Variants in BAIAP2L1 observed in about 807,000 individuals in gnomAD.
The protein encoded by BAIAP2L1 is BAR/IMD domain-containing adapter protein 2-like 1.
Under a neutral mutation model 66.3 loss-of-function variants are expected in BAIAP2L1, and 35 were observed. The ratio of observed to expected loss-of-function variants is 0.53; its 90% CI spans 0.40 to 0.70. The LOEUF is 0.70. BAIAP2L1 is among the 30% of genes least tolerant of loss of function. The pLI, the probability that BAIAP2L1 is intolerant of heterozygous loss-of-function variation, is 0.00. For missense variants in BAIAP2L1, 622 were observed against 656.9 expected (o/e 0.95, Z 0.58); for synonymous variants, 269 against 248.7 (o/e 1.08, Z -0.77).
chr7:98,320,450 C>G (rs1052385682), intron 3 of BAIAP2L1, 152 bp from the exon 4 acceptor site: 155 of 629,152 alleles, frequency 2.5e-4, no homozygotes, highest in Non-Finnish European at 3.8e-4. Context: ...ATTCTCCTGC[C>G]TCAGCCTCCC....
chr7:98,394,168 A>G (rs1803142457), intron 1 of BAIAP2L1, among the ~76,000 whole-genome samples: 2 of 152,158 alleles, frequency 1.3e-5, no homozygotes, highest in East Asian at 3.9e-4. Context: ...GCATGAACCC[A>G]GGAGGCGGAG....
chr7:98,330,969 A>G (rs1801482246), intron 3 of BAIAP2L1, among the ~76,000 whole-genome samples: 1 of 152,218 alleles, frequency 6.6e-6, no homozygotes, highest in Admixed American at 6.5e-5. Flanking sequence ...CCCCACCTCC[A>G]ATAGTGGGGG....
intron 12 of BAIAP2L1, among the ~76,000 whole-genome samples, chr7:98,299,967 G>C (rs1800354242): frequency 6.6e-6 from 1 of 152,194 alleles, no homozygotes; most frequent in Non-Finnish European, 1.5e-5. Flanking sequence ...CTTGAGCCCG[G>C]GAAGTGGAGG....
At chr7:98,353,047 T>C (rs1055898935) in intron 3 of BAIAP2L1, among the ~76,000 whole-genome samples, 1 of 152,134 alleles carries the variant, frequency 6.6e-6, no homozygotes, top group Non-Finnish European at 1.5e-5. Context: ...TGTCTGCTTC[T>C]GTCTACATCC....
rs554261451 is a variant in BAIAP2L1, at chr7:98,297,706, C to T, written c.1423-3595G>A. On this transcript the variant is annotated intron_variant, in intron 12 of 13. Coordinates refer to ENST00000005260, the MANE Select transcript of BAIAP2L1 (RefSeq NM_018842.5). ...CCAAACAGGGAAAAGCCAACTGCTC[C>T]GAGCCACTGGGATCTTTTTGGAAGC... Among the ~76,000 whole-genome samples, 6 of 152,154 alleles carry T rather than the reference C, an allele frequency of 3.9e-5. No individual in the cohort carries two copies. The South Asian group carries it at 8.3e-4, about 21-fold the overall frequency.
At chr7:98,336,967 C>A (rs1187479981) in intron 3 of BAIAP2L1, among the ~76,000 whole-genome samples, 2 of 152,162 alleles carry the variant, frequency 1.3e-5, no homozygotes, top group African/African-American at 4.8e-5. Flanking sequence ...CCTAAGCTTC[C>A]ATTTTCTTGT....
rs1356289780 is a variant in BAIAP2L1 at position 98,292,572 on chromosome 7, T to A, written c.*949A>T. 125 of 1,464,288 alleles carry A rather than the reference T, an allele frequency of 8.5e-5. No individual in the cohort carries two copies. The highest frequency in any genetic ancestry group is 1.1e-4 in the Non-Finnish European group (117 of 1,067,760). The allele number at this position is 1,464,288 out of a possible 1,614,324, so 90.7% of individuals were successfully genotyped here. On this transcript the variant is annotated 3_prime_UTR_variant, in exon 14 of 14. Transcript: ENST00000005260. ...GGGCAGCCAGTGCGTAGTCCTCACA[T>A]CCATACCATAGGGCCAGGTTCCGAG...
chr7:98,343,283 AC>A (rs1801791018), intron 3 of BAIAP2L1, among the ~76,000 whole-genome samples: 1 of 149,872 alleles, frequency 6.7e-6, no homozygotes, highest in Non-Finnish European at 1.5e-5. Flanking sequence ...ACACACACAC[AC>A]ACAGACACAC....
intron 1 of BAIAP2L1, among the ~76,000 whole-genome samples, chr7:98,374,741 CCTCT>C (rs754630499): frequency 3.3e-5 from 5 of 151,720 alleles, no homozygotes; most frequent in East Asian, 3.9e-4. Flanking sequence ...TACGTCTGAC[CCTCT>C]CTCTCTTCTT....
chr7:98,334,461 A>G (rs1273242637), intron 3 of BAIAP2L1, among the ~76,000 whole-genome samples: 1 of 152,156 alleles, frequency 6.6e-6, no homozygotes, highest in Non-Finnish European at 1.5e-5. Context: ...TAGTCCTAAT[A>G]ATACCAATTC....
intron 1 of BAIAP2L1, among the ~76,000 whole-genome samples, chr7:98,397,950 T>C (rs1803255615): frequency 6.6e-6 from 1 of 152,206 alleles, no homozygotes; most frequent in Admixed American, 6.6e-5. Flanking sequence ...ATTTTAGACA[T>C]TTCAGCAAAT....
chr7:98,372,241 A>C (rs13242619), intron 1 of BAIAP2L1, among the ~76,000 whole-genome samples: 1 of 152,130 alleles, frequency 6.6e-6, no homozygotes, highest in South Asian at 2.1e-4. Flanking sequence ...CCCCCTCCCT[A>C]CTAAAAATAC....
At chr7:98,397,167 G>A (rs1435799612) in intron 1 of BAIAP2L1, among the ~76,000 whole-genome samples, 1 of 152,030 alleles carries the variant, frequency 6.6e-6, no homozygotes, top group Non-Finnish European at 1.5e-5. Context: ...GATGGATGGA[G>A]GCGTCTGCAA....
chr7:98,393,239 G>A (rs929664624), intron 1 of BAIAP2L1, among the ~76,000 whole-genome samples: 15 of 150,656 alleles, frequency 1.0e-4, no homozygotes, highest in African/African-American at 2.9e-4. Flanking sequence ...ATGGGGTTTC[G>A]CCATGTTGGC....
intron 1 of BAIAP2L1, among the ~76,000 whole-genome samples, chr7:98,375,938 G>A (rs1012273726): frequency 1.3e-5 from 2 of 151,940 alleles, no homozygotes; most frequent in Non-Finnish European, 2.9e-5. Flanking sequence ...ATATCTAGCC[G>A]ATATTTTATA....
At position 98,312,284 on chromosome 7, in the gene BAIAP2L1, A is replaced by C. The variant is rs1584442090; in HGVS notation, c.640-20T>G. 6.9e-6 allele frequency: 11 copies of C among 1,585,122 alleles called. No homozygotes were observed. Among genetic ancestry groups the C allele is most frequent in the East Asian group, 2.3e-5 (1 of 44,416 alleles). ...TGCAGACTGCAAAGCCAAAAGAAGAAGACTAAAGACAAAGAAGATTGTCTG... is the reference window on the plus strand; with the variant it reads ...TGCAGACTGCAAAGCCAAAAGAAGACGACTAAAGACAAAGAAGATTGTCTG... On this transcript the variant is annotated intron_variant, in intron 7 of 13. Coordinates refer to ENST00000005260, the MANE Select transcript of BAIAP2L1 (RefSeq NM_018842.5).
chr7:98,356,810 T>C (rs993914265), intron 2 of BAIAP2L1, among the ~76,000 whole-genome samples: 7 of 146,722 alleles, frequency 4.8e-5, no homozygotes, highest in African/African-American at 1.0e-4. Context: ...GACCCCCCCA[T>C]ATCTCTACTG....
chr7:98,391,340 A>T (rs1400035375), intron 1 of BAIAP2L1, among the ~76,000 whole-genome samples: 2 of 152,186 alleles, frequency 1.3e-5, no homozygotes, highest in Non-Finnish European at 1.5e-5. Flanking sequence ...GCAACATTTT[A>T]TCTCATTTAT....
At chr7:98,304,146 C>T (rs372375439) in intron 12 of BAIAP2L1, 50 bp downstream of exon 12, 17 of 1,489,630 alleles carry the variant, frequency 1.1e-5, no homozygotes, top group East Asian at 2.5e-5. Flanking sequence ...GCCTCCCAGT[C>T]GGGGATGGCG....
Sources: gnomAD v4.1 joint callset for allele counts (sites outside exome capture counted in the v4.1 genomes callset) on GRCh38, gnomAD v4.1.1 for gene constraint, MANE v1.5 for transcripts, NCBI Gene and HGNC (gene_info 2026-07-23, HGNC 2026-07-21) for gene names.